Variants in SHISA6 observed in about 807,000 individuals in gnomAD.
SHISA6 encodes the protein protein shisa-6.
In SHISA6, 22 loss-of-function variants were observed where a neutral mutation model predicts 47.9. The observed-to-expected ratio is 0.46, with a 90% CI of 0.33 to 0.66. The LOEUF (loss-of-function observed/expected upper bound fraction) is 0.66. Among genes scored for constraint, SHISA6 ranks in the 30% least tolerant of loss-of-function variants. The probability of loss-of-function intolerance (pLI) is 0.02; values close to 1 mark genes in which losing one functional copy is unlikely to be tolerated. For missense variants in SHISA6, 680 were observed against 764.6 expected, an observed-to-expected ratio of 0.89 and a Z score of 1.30; for synonymous variants, 388 against 337.8, an observed-to-expected ratio of 1.15 and a Z score of -1.63.
At chr17:11,320,551 A>G (rs569024637) in intron 2 of SHISA6, among the ~76,000 whole-genome samples, 2 of 152,174 alleles carry the variant, frequency 1.3e-5, no homozygotes, top group East Asian at 3.9e-4. Context: ...CCAGCTACTC[A>G]GGAGGCTGTG....
intron 3 of SHISA6, among the ~76,000 whole-genome samples, chr17:11,507,140 A>T (rs966217812): frequency 6.6e-6 from 1 of 152,250 alleles, no homozygotes; most frequent in African/African-American, 2.4e-5. Flanking sequence ...CCACCACATT[A>T]GTATCTCATA....
At chr17:11,446,442 C>T (rs552071637) in intron 3 of SHISA6, among the ~76,000 whole-genome samples, 2 of 152,358 alleles carry the variant, frequency 1.3e-5, no homozygotes, top group South Asian at 4.1e-4. Context: ...CCGCCTCTGG[C>T]TGCCCCTCTT....
chr17:11,268,206 A>G (rs1281256542), intron 2 of SHISA6, among the ~76,000 whole-genome samples: 1 of 152,180 alleles, frequency 6.6e-6, no homozygotes, highest in Non-Finnish European at 1.5e-5. Context: ...TGTGAGTTGT[A>G]TAAAAGAACA....
chr17:11,442,237 GAA>G (rs1215865529), intron 3 of SHISA6, among the ~76,000 whole-genome samples: 6 of 152,178 alleles, frequency 3.9e-5, no homozygotes, highest in Non-Finnish European at 5.9e-5. Flanking sequence ...ATGGGCACAT[GAA>G]TGTAAGTGAA....
chr17:11,248,580 TTC>T (rs1341270522), intron 1 of SHISA6, among the ~76,000 whole-genome samples: 1 of 152,226 alleles, frequency 6.6e-6, no homozygotes, highest in Non-Finnish European at 1.5e-5. Context: ...GCCTTCTCCT[TTC>T]TCTTTCTTTC....
At chr17:11,556,704 T>C (rs555948452) in intron 5 of SHISA6, among the ~76,000 whole-genome samples, 30 of 152,176 alleles carry the variant, frequency 2.0e-4, no homozygotes, top group Admixed American at 7.9e-4. Flanking sequence ...GACGGGACTA[T>C]CATAACCTGA....
At chr17:11,346,913 C>A (rs1911718112) in intron 2 of SHISA6, among the ~76,000 whole-genome samples, 1 of 152,134 alleles carries the variant, frequency 6.6e-6, no homozygotes, top group South Asian at 2.1e-4. Flanking sequence ...TGAATACTTA[C>A]TTGATATGTA....
At chr17:11,301,297 A>C (rs948848831) in intron 2 of SHISA6, among the ~76,000 whole-genome samples, 1 of 152,100 alleles carries the variant, frequency 6.6e-6, no homozygotes, top group African/African-American at 2.4e-5. Context: ...CAGGACCATT[A>C]ATTACACATT....
At chr17:11,307,995 A>G (rs965530236) in intron 2 of SHISA6, among the ~76,000 whole-genome samples, 8 of 152,174 alleles carry the variant, frequency 5.3e-5, no homozygotes, top group Non-Finnish European at 1.0e-4. Context: ...GTGCCTCCAA[A>G]TAATACAGCG....
intron 3 of SHISA6, among the ~76,000 whole-genome samples, chr17:11,463,720 A>G (rs1915745151): frequency 1.3e-5 from 2 of 152,216 alleles, no homozygotes. Flanking sequence ...GAACAGCTAC[A>G]TCGTACTTTA....
chr17:11,542,399 AG>A (rs1275102868), intron 3 of SHISA6, among the ~76,000 whole-genome samples: 2 of 152,220 alleles, frequency 1.3e-5, no homozygotes, highest in Admixed American at 1.3e-4. Context: ...TCAAAAATGA[AG>A]GTGAAATAAA....
At chr17:11,405,447 A>G (rs550767793) in intron 3 of SHISA6, among the ~76,000 whole-genome samples, 2 of 152,070 alleles carry the variant, frequency 1.3e-5, no homozygotes, top group African/African-American at 4.8e-5. Flanking sequence ...TGCTAACTAA[A>G]TCATACTTCT....
chr17:11,405,469 T>G (rs1194330107), intron 3 of SHISA6, among the ~76,000 whole-genome samples: 9 of 151,976 alleles, frequency 5.9e-5, no homozygotes, highest in African/African-American at 1.5e-4. Context: ...GGGCTGGGAC[T>G]CAGACATCAC....
In SHISA6 at chr17:11,561,255, G is replaced by A. The variant is rs1267038841; in HGVS notation, c.*2951G>A. On this transcript the variant is annotated 3_prime_UTR_variant, in exon 6 of 6. Transcript: ENST00000441885. ...CTCCTGCTCACAAAGGAAGCCTAAA[G>A]CCCAAGATTTCCCTCTCCTTGTTTT... is the stretch of plus-strand genomic sequence containing the variant. The A allele has an allele frequency of 6.6e-6, 1 of 152,324 alleles. No individual in the cohort carries two copies. Among genetic ancestry groups the A allele is most frequent in the African/African-American group, 2.4e-5 (1 of 41,460 alleles). The allele number at this position is 152,324 out of a possible 1,614,324, so 9.4% of individuals were successfully genotyped here.
At chr17:11,381,656 A>G (rs1913014017) in intron 3 of SHISA6, among the ~76,000 whole-genome samples, 1 of 152,172 alleles carries the variant, frequency 6.6e-6, no homozygotes, top group Non-Finnish European at 1.5e-5. Flanking sequence ...AGTGGACGTT[A>G]AACTGCTTCC....
In SHISA6 at chr17:11,257,683, AAAG is replaced by A. The variant is rs1325641979; in HGVS notation, c.639-5680_639-5678del. On this transcript the variant is annotated intron_variant, in intron 1 of 5. Transcript: ENST00000441885. ...CTCAAAAAAAAAAAAGAAAAAAAGA[AAAG>A]AAAAGAAAGGAAAGAAGGAAGGCAG... Among the ~76,000 whole-genome samples the A allele has an allele frequency of 2.0e-5, 3 of 151,968 alleles. 1 individual carries two copies. Among genetic ancestry groups the A allele is most frequent in the Admixed American group, 1.3e-4 (2 of 15,256 alleles).
intron 2 of SHISA6, among the ~76,000 whole-genome samples, chr17:11,374,026 A>C (rs1330745572): frequency 6.6e-6 from 1 of 152,312 alleles, no homozygotes; most frequent in South Asian, 2.1e-4. Context: ...AGAAAGGTAC[A>C]TGAGTTCTTG....
chr17:11,479,857 A>G (rs1224022669), intron 3 of SHISA6, among the ~76,000 whole-genome samples: 1 of 151,894 alleles, frequency 6.6e-6, no homozygotes, highest in Admixed American at 6.6e-5. Flanking sequence ...TTTTTATTTT[A>G]TCTTCACTTA....
chr17:11,489,006 G>A (rs921802509), intron 3 of SHISA6, among the ~76,000 whole-genome samples: 7 of 152,034 alleles, frequency 4.6e-5, no homozygotes, highest in African/African-American at 1.7e-4. Context: ...CTCAATTGGG[G>A]GTATGTCAAC....
Sources: gnomAD v4.1 joint callset for allele counts (sites outside exome capture counted in the v4.1 genomes callset) on GRCh38, gnomAD v4.1.1 for gene constraint, MANE v1.5 for transcripts, NCBI Gene and HGNC (gene_info 2026-07-23, HGNC 2026-07-21) for gene names.